Variants in CTNNA3 observed in about 807,000 individuals in gnomAD.
The protein encoded by CTNNA3 is catenin alpha-3.
In CTNNA3, 76 loss-of-function variants were observed where a neutral mutation model predicts 95.7. The ratio of observed to expected loss-of-function variants is 0.79; its 90% confidence interval spans 0.66 to 0.96. The LOEUF is 0.96. Among genes scored for constraint, CTNNA3 ranks in the 40% least tolerant of loss-of-function variants. CTNNA3 has a pLI of 0.00. For missense variants in CTNNA3, 1,191 were observed against 1,089.8 expected (o/e 1.09, Z -1.31); for synonymous variants, 431 against 374.4 (o/e 1.15, Z -1.74).
chr10:65,999,926 T>TAAAAAAAAAAAA (rs2078737498), intron 15 of CTNNA3, among the ~76,000 whole-genome samples: 1 of 109,960 alleles, frequency 9.1e-6, no homozygotes, highest in Non-Finnish European at 1.8e-5. Context: ...ACAATAATAA[T>TAAAAAAAAAAAA]CAAAAAAAAA....
At chr10:67,750,768 C>A in intron 1 of CTNNA3, 1 of 1,604,418 alleles carries the variant, frequency 6.2e-7, no homozygotes, top group Admixed American at 1.7e-5. Flanking sequence ...TCTCCAATTT[C>A]AACCACTTCC....
intron 3 of CTNNA3, among the ~76,000 whole-genome samples, chr10:67,571,769 C>T (rs1403991554): frequency 6.6e-6 from 1 of 152,070 alleles, no homozygotes; most frequent in Admixed American, 6.6e-5. Flanking sequence ...TTGGACTGTA[C>T]GGGATGGCAA....
At chr10:66,652,608 T>C (rs754062765) in intron 9 of CTNNA3, among the ~76,000 whole-genome samples, 1 of 152,152 alleles carries the variant, frequency 6.6e-6, no homozygotes, top group Non-Finnish European at 1.5e-5. Context: ...CTGAAAAACA[T>C]TGAAGAAGAA....
chr10:66,991,454 T>G (rs1564816948), intron 7 of CTNNA3, among the ~76,000 whole-genome samples: 1 of 152,230 alleles, frequency 6.6e-6, no homozygotes, highest in Non-Finnish European at 1.5e-5. Context: ...TATCTCTATT[T>G]ATTTTGATTT....
chr10:67,319,739 T>C (rs1333343356), intron 5 of CTNNA3, among the ~76,000 whole-genome samples: 1 of 151,470 alleles, frequency 6.6e-6, no homozygotes, highest in African/African-American at 2.4e-5. Context: ...CTAATGAAAA[T>C]ACAAAAAATA....
chr10:66,292,685 G>A (rs138208475), intron 12 of CTNNA3, among the ~76,000 whole-genome samples: 148 of 152,268 alleles, frequency 9.7e-4, no homozygotes, highest in African/African-American at 3.4e-3. Context: ...TCAATTCACT[G>A]AGTCAGCAAG....
At chr10:66,166,497 T>C (rs2085136051) in intron 13 of CTNNA3, among the ~76,000 whole-genome samples, 1 of 59,540 alleles carries the variant, frequency 1.7e-5, no homozygotes, top group Non-Finnish European at 2.9e-5. Context: ...ACAGTCTGTC[T>C]CAAAAAAAAA....
At chr10:67,384,178 G>T (rs2132740814) in intron 5 of CTNNA3, among the ~76,000 whole-genome samples, 1 of 151,946 alleles carries the variant, frequency 6.6e-6, no homozygotes, top group East Asian at 1.9e-4. Flanking sequence ...TTTAAAGTTG[G>T]TTAAAAAAAA....
At chr10:67,340,291 A>G (rs1471555693) in intron 5 of CTNNA3, among the ~76,000 whole-genome samples, 1 of 152,202 alleles carries the variant, frequency 6.6e-6, no homozygotes, top group African/African-American at 2.4e-5. Context: ...TAAAAGTCAA[A>G]GGTAAGAAAA....
chr10:67,045,836 T>C (rs1047834068), intron 7 of CTNNA3, among the ~76,000 whole-genome samples: 1 of 152,168 alleles, frequency 6.6e-6, no homozygotes, highest in East Asian at 1.9e-4. Flanking sequence ...AGTGAAGCCT[T>C]CCTGACTCCT....
intron 5 of CTNNA3, among the ~76,000 whole-genome samples, chr10:67,296,593 A>C (rs1238295090): frequency 6.6e-6 from 1 of 152,168 alleles, no homozygotes; most frequent in Non-Finnish European, 1.5e-5. Context: ...GTTTAATGCA[A>C]TCCAGTTGTC....
chr10:67,640,267 G>A (rs1305587878), intron 2 of CTNNA3, among the ~76,000 whole-genome samples: 6 of 152,086 alleles, frequency 3.9e-5, no homozygotes. Flanking sequence ...GCTTCAAAGA[G>A]AATAAAATAC....
chr10:65,944,227 T>A (rs2077475629), intron 17 of CTNNA3, among the ~76,000 whole-genome samples: 2 of 152,204 alleles, frequency 1.3e-5, no homozygotes, highest in African/African-American at 4.8e-5. Flanking sequence ...TTTGCACAGA[T>A]CCCTCAAAGA....
chr10:66,241,087 C>A (rs545380395), intron 13 of CTNNA3, among the ~76,000 whole-genome samples: 188 of 152,106 alleles, frequency 1.2e-3, no homozygotes, highest in South Asian at 4.6e-3. Flanking sequence ...CCTTCAAACT[C>A]ATTCATACTG....
chr10:66,393,360 G>A (rs948601783), intron 11 of CTNNA3, among the ~76,000 whole-genome samples: 2 of 151,894 alleles, frequency 1.3e-5, no homozygotes, highest in African/African-American at 4.8e-5. Flanking sequence ...TACTGTAAAC[G>A]GTAGGATTTA....
chr10:66,536,945 A>G (rs1841680037), intron 10 of CTNNA3, among the ~76,000 whole-genome samples: 1 of 152,124 alleles, frequency 6.6e-6, no homozygotes, highest in Non-Finnish European at 1.5e-5. Flanking sequence ...AGTGACATTT[A>G]TGCGGTGAAA....
At chr10:66,624,471 A>T (rs1326186043) in intron 9 of CTNNA3, among the ~76,000 whole-genome samples, 1 of 152,116 alleles carries the variant, frequency 6.6e-6, no homozygotes, top group Non-Finnish European at 1.5e-5. Flanking sequence ...AGCCTAAAGA[A>T]ATTTAACAAT....
At chr10:66,310,622 A>C (rs1415371707) in intron 12 of CTNNA3, among the ~76,000 whole-genome samples, 1 of 152,120 alleles carries the variant, frequency 6.6e-6, no homozygotes, top group East Asian at 1.9e-4. Flanking sequence ...TAAAAAAGCA[A>C]ATATTTATTT....
chr10:66,364,567 G>A (rs1007219462), intron 12 of CTNNA3, among the ~76,000 whole-genome samples: 1 of 151,918 alleles, frequency 6.6e-6, no homozygotes, highest in Non-Finnish European at 1.5e-5. Context: ...AAAAGATGTA[G>A]AATTTTGACA....
Sources: gnomAD v4.1 joint callset for allele counts (sites outside exome capture counted in the v4.1 genomes callset) on GRCh38, gnomAD v4.1.1 for gene constraint, MANE v1.5 for transcripts, NCBI Gene and HGNC (gene_info 2026-07-23, HGNC 2026-07-21) for gene names.